EYS: variants seen among roughly 807,000 people sequenced by gnomAD.
EYS encodes EGF-like photoreceptor maintenance factor.
EYS carries 250 observed loss-of-function variants against 282.1 expected under a neutral mutation model. The ratio of observed to expected loss-of-function variants is 0.89; its 90% CI spans 0.80 to 0.98. The LOEUF is 0.98. EYS is among the 50% of genes least tolerant of loss of function. The probability of loss-of-function intolerance (pLI) is 0.00; values close to 1 mark genes in which losing one functional copy is unlikely to be tolerated. For missense variants in EYS, 4,016 were observed against 3,709.0 expected, an observed-to-expected ratio of 1.08 and a Z score of -2.15; for synonymous variants, 1,355 against 1,282.9, an observed-to-expected ratio of 1.06 and a Z score of -1.20.
At chr6:64,003,317 G>T (rs1289031425) in intron 33 of EYS, among the ~76,000 whole-genome samples, 1 of 152,178 alleles carries the variant, frequency 6.6e-6, no homozygotes, top group African/African-American at 2.4e-5. Context: ...GTAGGGGTCT[G>T]GGGGGTTGGA....
rs922441992 is a variant in EYS at position 64,029,458 on chromosome 6, C to T, written c.6726-30275G>A. ...GGTGCCAAAGGAAGTTTATGGCTAT[C>T]GGACAACCGCCTACTTAGATACCAG... On this transcript the variant is annotated intron_variant, in intron 33 of 42. Coordinates refer to ENST00000503581, the MANE Select transcript of EYS (RefSeq NM_001142800.2). 5.3e-5 allele frequency among the ~76,000 whole-genome samples: 8 copies of T among 152,316 alleles called. No homozygotes were observed. In the East Asian group the frequency reaches 5.8e-4, roughly 11 times the overall value.
At chr6:65,065,548 A>AT (rs35091508) in intron 12 of EYS, among the ~76,000 whole-genome samples, 25,072 of 145,774 alleles carry the variant, frequency 0.17, 2,225 homozygotes, top group Middle Eastern at 0.25. Flanking sequence ...ACGCCTGGCT[A>AT]TTTTTTTTTT....
At chr6:64,519,672 G>A (rs2150524751) in intron 26 of EYS, among the ~76,000 whole-genome samples, 1 of 151,866 alleles carries the variant, frequency 6.6e-6, no homozygotes, top group African/African-American at 2.4e-5. Flanking sequence ...CCCACCAATT[G>A]GAGGATGTGA....
rs1283202811 is a variant in EYS, at chr6:65,663,862, TTTTC to T, written c.-447-23974_-447-23971del. Among the ~76,000 whole-genome samples, 283 of 103,664 alleles carry T rather than the reference TTTTC, an allele frequency of 2.7e-3. 2 individuals carry two copies. Among genetic ancestry groups the T allele is most frequent in the South Asian group, 6.7e-3 (19 of 2,820 alleles). The allele number at this position is 103,664 out of a possible 152,430, so 68.0% of individuals were successfully genotyped here. ...CGCCCAGCTAATTTTTTGTTTTTTC[TTTTC>T]TTTTTTTTTTTTTTTTTTTTTTGAG... On this transcript the variant is annotated intron_variant, in intron 1 of 42. Coordinates refer to ENST00000503581, the MANE Select transcript of EYS (RefSeq NM_001142800.2).
chr6:64,974,621 G>T (rs1770413460), intron 14 of EYS, among the ~76,000 whole-genome samples: 1 of 151,798 alleles, frequency 6.6e-6, no homozygotes, highest in Non-Finnish European at 1.5e-5. Context: ...ACTCCAAGTT[G>T]CAGAACCGTC....
At chr6:64,799,283 C>T (rs1774460202) in intron 22 of EYS, among the ~76,000 whole-genome samples, 1 of 151,562 alleles carries the variant, frequency 6.6e-6, no homozygotes, top group African/African-American at 2.4e-5. Context: ...GCTTTGATAC[C>T]AAATATATCA....
At chr6:65,607,563 G>A (rs888607142) in intron 2 of EYS, among the ~76,000 whole-genome samples, 4 of 151,534 alleles carry the variant, frequency 2.6e-5, no homozygotes, top group African/African-American at 9.7e-5. Context: ...ATTACTTTTT[G>A]AAAAATAAAT....
At chr6:65,268,837 T>C in intron 12 of EYS, among the ~76,000 whole-genome samples, 1 of 152,180 alleles carries the variant, frequency 6.6e-6, no homozygotes, top group South Asian at 2.1e-4. Flanking sequence ...CTAAGATCTC[T>C]TGATATAATT....
chr6:64,178,621 C>A (rs914840151), intron 31 of EYS, among the ~76,000 whole-genome samples: 1 of 151,902 alleles, frequency 6.6e-6, no homozygotes, highest in Non-Finnish European at 1.5e-5. Flanking sequence ...TGACCTTTGG[C>A]CCATAATACA....
intron 2 of EYS, among the ~76,000 whole-genome samples, chr6:65,617,289 T>C (rs1287234877): frequency 1.3e-5 from 2 of 152,120 alleles, no homozygotes; most frequent in Non-Finnish European, 2.9e-5. Flanking sequence ...AAGCTATTGA[T>C]TTACTTATGA....
At chr6:63,753,138 GTGTATATATATA>G (rs1769382306) in intron 41 of EYS, among the ~76,000 whole-genome samples, 1 of 64,322 alleles carries the variant, frequency 1.6e-5, no homozygotes, top group Non-Finnish European at 2.7e-5. Flanking sequence ...ATGTGTGTGT[GTGTATATATATA>G]TATATATATA....
At chr6:64,817,768 G>T (rs1305498908) in intron 21 of EYS, among the ~76,000 whole-genome samples, 3 of 152,116 alleles carry the variant, frequency 2.0e-5, no homozygotes, top group Admixed American at 6.6e-5. Flanking sequence ...CCATGTTGCT[G>T]TGAAGGACAT....
At chr6:64,947,162 C>G (rs1346769810) in intron 14 of EYS, among the ~76,000 whole-genome samples, 1 of 151,668 alleles carries the variant, frequency 6.6e-6, no homozygotes, top group Non-Finnish European at 1.5e-5. Context: ...ATTAAATAAA[C>G]AGAAAAAACA....
intron 12 of EYS, among the ~76,000 whole-genome samples, chr6:65,113,708 G>A (rs374311752): frequency 1.3e-5 from 2 of 151,876 alleles, no homozygotes; most frequent in East Asian, 3.9e-4. Flanking sequence ...TCTTTTAGCT[G>A]TGTAGGGAAT....
chr6:65,294,213 C>T (rs1288713056), intron 12 of EYS, among the ~76,000 whole-genome samples: 3 of 151,704 alleles, frequency 2.0e-5, no homozygotes, highest in Admixed American at 2.0e-4. Flanking sequence ...CCAAAAGATT[C>T]CACTTTTTGT....
At chr6:64,272,146 T>C (rs1170896820) in intron 30 of EYS, among the ~76,000 whole-genome samples, 1 of 152,174 alleles carries the variant, frequency 6.6e-6, no homozygotes, top group Non-Finnish European at 1.5e-5. Context: ...TAGAAACCCA[T>C]AGGGATTTTG....
chr6:64,477,263 A>C (rs888517264), intron 26 of EYS, among the ~76,000 whole-genome samples: 1 of 152,178 alleles, frequency 6.6e-6, no homozygotes, highest in Non-Finnish European at 1.5e-5. Flanking sequence ...TATTTTGCTA[A>C]TACCAATACA....
intron 1 of EYS, among the ~76,000 whole-genome samples, chr6:65,668,669 A>T (rs1325953729): frequency 6.6e-6 from 1 of 151,938 alleles, no homozygotes; most frequent in Non-Finnish European, 1.5e-5. Context: ...TTACTGAGTC[A>T]TATCTGTCTC....
At chr6:64,569,064 A>T (rs1765643158) in intron 26 of EYS, among the ~76,000 whole-genome samples, 1 of 151,710 alleles carries the variant, frequency 6.6e-6, no homozygotes, top group Admixed American at 6.6e-5. Context: ...AAGGCTGAAA[A>T]TCCAAAAACC....
Sources: allele counts gnomAD v4.1 joint callset (sites outside exome capture counted in the v4.1 genomes callset), GRCh38; gene constraint gnomAD v4.1.1; transcripts MANE v1.5; gene names NCBI Gene and HGNC (gene_info 2026-07-23, HGNC 2026-07-21).